Variants in CHD6 observed in about 807,000 individuals in gnomAD.
CHD6 encodes the protein chromodomain helicase DNA binding protein 6.
In CHD6, 50 loss-of-function variants were observed where a neutral mutation model predicts 276.9. The ratio of observed to expected loss-of-function variants is 0.18; its 90% CI spans 0.14 to 0.23. The LOEUF (loss-of-function observed/expected upper bound fraction) is 0.23, where lower values mean the gene tolerates loss of function less well. Among genes scored for constraint, CHD6 ranks in the 10% least tolerant of loss-of-function variants. The pLI is 1.00. For synonymous variants in CHD6, 1,173 were observed against 1,229.3 expected, an observed-to-expected ratio of 0.95 and a Z score of 0.96; for missense variants, 2,564 against 3,365.8, an observed-to-expected ratio of 0.76 and a Z score of 5.89.
intron 1 of CHD6, among the ~76,000 whole-genome samples, 190 bp downstream of exon 1, chr20:41,618,128 GCAGGCCGCCGCCTGCCCTCCGC>G (rs1192200520): frequency 2.7e-5 from 4 of 149,690 alleles, no homozygotes; most frequent in Non-Finnish European, 4.5e-5. Flanking sequence ...TCCCCAGGCC[GCAGGCCGCCGCCTGCCCTCCGC>G]CAGGCCGCCC....
At chr20:41,582,968 A>G (rs2045556629) in intron 1 of CHD6, among the ~76,000 whole-genome samples, 1 of 152,140 alleles carries the variant, frequency 6.6e-6, no homozygotes, top group Non-Finnish European at 1.5e-5. Context: ...GGAGGGAAAC[A>G]CAGAAAGAAG....
chr20:41,551,845 T>C (rs1370938518), intron 1 of CHD6, among the ~76,000 whole-genome samples: 3 of 152,170 alleles, frequency 2.0e-5, no homozygotes, highest in Admixed American at 6.5e-5. Context: ...GGATTTGGTA[T>C]ATTATTTGAC....
At chr20:41,541,652 G>A (rs1461698325) in intron 2 of CHD6, among the ~76,000 whole-genome samples, 1 of 152,216 alleles carries the variant, frequency 6.6e-6, no homozygotes, top group African/African-American at 2.4e-5. Context: ...ATGTAAGACT[G>A]AAAGCAGGGT....
rs548902479 is a variant in CHD6, at chr20:41,569,876, G to A, written c.-23-18516C>T. ...ACTATGCCATTTTAAATAAGGAACT[G>A]GAGCAACCTCAAATTTTGGCATGGG... is the stretch of plus-strand genomic sequence containing the variant. On this transcript the variant is annotated intron_variant, in intron 1 of 36. Transcript: ENST00000373233. Among the ~76,000 whole-genome samples, 4 of 152,250 alleles carry A rather than the reference G, an allele frequency of 2.6e-5. No homozygotes were observed. In the East Asian group the frequency reaches 7.7e-4, roughly 29 times the overall value.
intron 4 of CHD6, among the ~76,000 whole-genome samples, chr20:41,513,750 C>A (rs1001199772): frequency 2.6e-5 from 4 of 152,196 alleles, no homozygotes; most frequent in Non-Finnish European, 4.4e-5. Flanking sequence ...CCAGCTCACT[C>A]TCAAATATTT....
At chr20:41,405,645 C>G (rs928224079) in intron 36 of CHD6, among the ~76,000 whole-genome samples, 156 bp from the exon 37 acceptor site, 6 of 152,222 alleles carry the variant, frequency 3.9e-5, no homozygotes, top group African/African-American at 1.4e-4. Context: ...GTGCAGCTCT[C>G]TGGCCTGACT....
At chr20:41,581,872 C>T (rs1242191983) in intron 1 of CHD6, among the ~76,000 whole-genome samples, 1 of 152,152 alleles carries the variant, frequency 6.6e-6, no homozygotes, top group Non-Finnish European at 1.5e-5. Flanking sequence ...GACAGCTATT[C>T]CCTCAAAACC....
intron 1 of CHD6, chr20:41,564,231 A>G: frequency 1.7e-6 from 1 of 592,704 alleles, no homozygotes; most frequent in Non-Finnish European, 3.0e-6. Flanking sequence ...TGGGGCGCTA[A>G]AAATGATCTA....
At chr20:41,482,518 C>T (rs183535905) in intron 16 of CHD6, 71 of 511,226 alleles carry the variant, frequency 1.4e-4, no homozygotes, top group African/African-American at 1.1e-3. Flanking sequence ...TTAAGACACC[C>T]GAGATTTGCT....
chr20:41,529,299 T>G (rs1419254825), intron 3 of CHD6, among the ~76,000 whole-genome samples: 3 of 152,236 alleles, frequency 2.0e-5, no homozygotes, highest in African/African-American at 7.2e-5. Flanking sequence ...ATATCTTAAC[T>G]TTTGTTGAGG....
intron 24 of CHD6, 84 bp downstream of exon 24, chr20:41,447,798 G>A (rs2294569): frequency 0.06 from 57,097 of 947,904 alleles, 5,895 homozygotes; most frequent in African/African-American, 0.31. Flanking sequence ...GCCTCTTTAA[G>A]CACAGGCAAG....
At chr20:41,508,133 C>T (rs1345584981) in intron 5 of CHD6, among the ~76,000 whole-genome samples, 1 of 151,986 alleles carries the variant, frequency 6.6e-6, no homozygotes, top group Admixed American at 6.6e-5. Context: ...TTTAGTTGGG[C>T]CCTAAAGAAC....
At chr20:41,441,253 G>A (rs916707367) in intron 25 of CHD6, among the ~76,000 whole-genome samples, 4 of 152,156 alleles carry the variant, frequency 2.6e-5, no homozygotes, top group South Asian at 2.1e-4. Flanking sequence ...TCAGTACCTA[G>A]CAAAGGGCCT....
intron 3 of CHD6, among the ~76,000 whole-genome samples, chr20:41,517,794 G>A (rs2044287750): frequency 6.6e-6 from 1 of 152,208 alleles, no homozygotes. Flanking sequence ...TTTAAAAGCA[G>A]CAAATGCCCC....
intron 27 of CHD6, among the ~76,000 whole-genome samples, chr20:41,426,668 G>A (rs1171278599): frequency 6.6e-6 from 1 of 152,228 alleles, no homozygotes; most frequent in Admixed American, 6.5e-5. Flanking sequence ...ACCTGATGGC[G>A]CAAAACCCCA....
intron 17 of CHD6, among the ~76,000 whole-genome samples, chr20:41,466,073 G>A (rs145319398): frequency 3.9e-5 from 6 of 152,208 alleles, no homozygotes; most frequent in African/African-American, 7.2e-5. Flanking sequence ...GTGGTGGCGC[G>A]TGCCTGTAAT....
intron 36 of CHD6, among the ~76,000 whole-genome samples, chr20:41,409,871 C>T (rs999057709): frequency 2.0e-5 from 3 of 152,158 alleles, no homozygotes; most frequent in Admixed American, 1.3e-4. Flanking sequence ...CAAAACTATA[C>T]ACATACAGGT....
chr20:41,415,660 G>C, intron 33 of CHD6, 22 bp from the exon 34 acceptor site: 2 of 1,531,562 alleles, frequency 1.3e-6, no homozygotes, highest in Non-Finnish European at 1.8e-6. Flanking sequence ...CAAACAGCAA[G>C]AGAGGTCTGA....
chr20:41,589,783 G>C (rs1420687896), intron 1 of CHD6, among the ~76,000 whole-genome samples: 1 of 152,150 alleles, frequency 6.6e-6, no homozygotes, highest in East Asian at 1.9e-4. Context: ...CGTGAAAATG[G>C]CCATACTGCC....
Sources: allele counts gnomAD v4.1 joint callset (sites outside exome capture counted in the v4.1 genomes callset), GRCh38; gene constraint gnomAD v4.1.1; transcripts MANE v1.5; gene names NCBI Gene and HGNC (gene_info 2026-07-23, HGNC 2026-07-21).